USP13: variants seen among roughly 807,000 people sequenced by gnomAD.
The protein encoded by USP13 is ubiquitin specific peptidase 13, also known as ubiquitin carboxyl-terminal hydrolase 13.
Under a neutral mutation model 107.8 loss-of-function variants are expected in USP13, and 68 were observed. The observed-to-expected ratio is 0.63, with a 90% CI of 0.52 to 0.77. USP13 has a LOEUF of 0.77. Ranked by LOEUF, USP13 falls within the 30% of genes least tolerant of loss-of-function variation. USP13 has a pLI of 0.00. For missense variants in USP13, 945 were observed against 1,093.3 expected (o/e 0.86, Z 1.91); for synonymous variants, 377 against 389.5 (o/e 0.97, Z 0.38).
intron 1 of USP13, among the ~76,000 whole-genome samples, chr3:179,667,551 C>A (rs1211610321): frequency 6.6e-6 from 1 of 152,150 alleles, no homozygotes; most frequent in Non-Finnish European, 1.5e-5. Flanking sequence ...CCCCATTTGT[C>A]CTGAAACTGT....
In USP13 at chr3:179,785,056, T is replaced by C. The variant is rs1422834163; in HGVS notation, c.*915T>C. The stretch of plus-strand genomic sequence containing the variant: ...TTGTACTTTGTCAAAGGTAGGTAAA[T>C]TCTCTGTTTCTCAGCAGCCCTTTCC... On this transcript the variant is annotated 3_prime_UTR_variant, in exon 21 of 21. Coordinates refer to ENST00000263966, the MANE Select transcript of USP13 (RefSeq NM_003940.3). The C allele has an allele frequency of 3.9e-5, 6 of 152,184 alleles. No homozygotes were observed. The highest frequency in any genetic ancestry group is 4.4e-5 in the Non-Finnish European group (3 of 68,024). The allele number at this position is 152,184 out of a possible 1,614,324, so 9.4% of individuals were successfully genotyped here.
At chr3:179,745,934 G>A (rs1271761593) in intron 13 of USP13, among the ~76,000 whole-genome samples, 1 of 151,974 alleles carries the variant, frequency 6.6e-6, no homozygotes, top group Non-Finnish European at 1.5e-5. Flanking sequence ...TAGTTGATTT[G>A]ATGCAGTCGA....
At chr3:179,665,744 C>T (rs1359850690) in intron 1 of USP13, among the ~76,000 whole-genome samples, 2 of 152,166 alleles carry the variant, frequency 1.3e-5, no homozygotes, top group African/African-American at 2.4e-5. Context: ...CACCACCATG[C>T]CCAGCTAATT....
chr3:179,728,066 CG>C (rs1560064924), intron 8 of USP13, among the ~76,000 whole-genome samples: 1 of 64,292 alleles, frequency 1.6e-5, no homozygotes, highest in African/African-American at 4.3e-5. Flanking sequence ...GCTGGCCGGG[CG>C]GGGGGCTGAC....
chr3:179,763,457 T>C (rs1366636271), intron 17 of USP13, among the ~76,000 whole-genome samples: 1 of 152,240 alleles, frequency 6.6e-6, no homozygotes, highest in East Asian at 1.9e-4. Flanking sequence ...CCCAGCATCA[T>C]TTGTTGAAAA....
chr3:179,755,784 C>G (rs138240400), intron 15 of USP13, among the ~76,000 whole-genome samples: 1 of 152,176 alleles, frequency 6.6e-6, no homozygotes, highest in African/African-American at 2.4e-5. Context: ...TAACTCATAA[C>G]GACAGAGCAC....
chr3:179,710,459 C>T (rs2108484800), intron 6 of USP13, among the ~76,000 whole-genome samples: 1 of 152,318 alleles, frequency 6.6e-6, no homozygotes, highest in African/African-American at 2.4e-5. Context: ...ATTCAGTTCT[C>T]AGAACAGCCT....
chr3:179,750,729 A>G (rs1168472861), intron 13 of USP13, among the ~76,000 whole-genome samples: 1 of 152,220 alleles, frequency 6.6e-6, no homozygotes, highest in Non-Finnish European at 1.5e-5. Context: ...AATACTTTCT[A>G]GTGCGCCAAG....
At chr3:179,755,853 G>A (rs1714771870) in intron 15 of USP13, among the ~76,000 whole-genome samples, 1 of 152,192 alleles carries the variant, frequency 6.6e-6, no homozygotes, top group East Asian at 1.9e-4. Context: ...ACCATGGTCA[G>A]GTATAAAGGA....
At chr3:179,778,336 A>G (rs1206465658) in intron 19 of USP13, among the ~76,000 whole-genome samples, 1 of 152,248 alleles carries the variant, frequency 6.6e-6, no homozygotes, top group Non-Finnish European at 1.5e-5. Flanking sequence ...GATACTTATT[A>G]AGTACCTACA....
intron 3 of USP13, among the ~76,000 whole-genome samples, chr3:179,700,331 G>C (rs1712471235): frequency 1.3e-5 from 2 of 152,102 alleles, no homozygotes; most frequent in Non-Finnish European, 2.9e-5. Context: ...GAGAGGGAGA[G>C]AGCAAGAGGG....
chr3:179,732,794 C>A (rs1713853285), intron 10 of USP13, among the ~76,000 whole-genome samples: 1 of 152,166 alleles, frequency 6.6e-6, no homozygotes, highest in Non-Finnish European at 1.5e-5. Flanking sequence ...ATGCAGTCTA[C>A]AAGTAGTATC....
chr3:179,709,604 A>G (rs532256292), intron 6 of USP13, among the ~76,000 whole-genome samples: 1 of 152,262 alleles, frequency 6.6e-6, no homozygotes, highest in Admixed American at 6.5e-5. Context: ...CCATGTTTGT[A>G]CAGTTAATAC....
chr3:179,706,900 G>A (rs368253849), intron 4 of USP13, 34 bp from the exon 5 acceptor site: 1 of 1,582,416 alleles, frequency 6.3e-7, no homozygotes, highest in Admixed American at 1.9e-5. Flanking sequence ...TTCTCAAACT[G>A]TTTTTATATA....
At position 179,653,622 on chromosome 3, in the gene USP13, G is replaced by A; in HGVS notation, c.168+229G>A. Reference sequence around the variant, plus strand: ...CTCCGCCAGCCTCCCCAGGCTGGAAGGGCCCGATTCCCAGCAGCTTGCACA... The same window carrying A: ...CTCCGCCAGCCTCCCCAGGCTGGAAAGGCCCGATTCCCAGCAGCTTGCACA... On this transcript the variant is annotated intron_variant, in intron 1 of 20. Coordinates refer to ENST00000263966, the MANE Select transcript of USP13 (RefSeq NM_003940.3). This position sits in a 1 kb window ranked among gnomAD's most constrained non-coding sequence, Gnocchi z 4.0. 1.7e-6 allele frequency: 1 copy of A among 571,532 alleles called. No individual in the cohort carries two copies. Among genetic ancestry groups the A allele is most frequent in the Non-Finnish European group, 3.0e-6 (1 of 333,932 alleles). 35.4% of individuals were successfully genotyped at this position (571,532 alleles called of 1,614,324 possible). A position where few individuals can be genotyped will look rare whatever the true frequency, so the allele number is the denominator to read the frequency against.
At position 179,784,404 on chromosome 3, in the gene USP13, A is replaced by G; in HGVS notation, c.*263A>G. 6.2e-6 allele frequency: 2 copies of G among 323,972 alleles called. No homozygotes were observed. The highest frequency in any genetic ancestry group is 2.2e-5 in the African/African-American group (1 of 46,268). 20.1% of individuals were successfully genotyped at this position (323,972 alleles called of 1,614,324 possible). ...ATATTTAAAAACAAAAAAAGTATTCATATTGCTGGTGGAGGATCTGCCATC... is the reference window on the plus strand; with the variant it reads ...ATATTTAAAAACAAAAAAAGTATTCGTATTGCTGGTGGAGGATCTGCCATC... On this transcript the variant is annotated 3_prime_UTR_variant, in exon 21 of 21. Coordinates refer to ENST00000263966, the MANE Select transcript of USP13 (RefSeq NM_003940.3).
intron 20 of USP13, 136 bp from the exon 21 acceptor site, chr3:179,783,912 T>G: frequency 1.5e-6 from 1 of 664,756 alleles, no homozygotes; most frequent in Admixed American, 2.8e-5. Context: ...TCTGTCCCTT[T>G]TTATACAACG....
intron 6 of USP13, among the ~76,000 whole-genome samples, chr3:179,713,782 G>C (rs759965944): frequency 2.6e-5 from 4 of 152,100 alleles, no homozygotes; most frequent in Non-Finnish European, 5.9e-5. Flanking sequence ...GAAGGTTGTG[G>C]ACTCAAATAT....
chr3:179,717,468 A>G (rs917621992), intron 6 of USP13, among the ~76,000 whole-genome samples: 7 of 152,244 alleles, frequency 4.6e-5, no homozygotes, highest in Admixed American at 2.0e-4. Flanking sequence ...CAATGTGGCA[A>G]GAGCCTAATG....
Sources: gnomAD v4.1 joint callset for allele counts (sites outside exome capture counted in the v4.1 genomes callset) on GRCh38, gnomAD v4.1.1 for gene constraint, Gnocchi (gnomAD v3.1) non-coding constraint, MANE v1.5 for transcripts, NCBI Gene and HGNC (gene_info 2026-07-23, HGNC 2026-07-21) for gene names.